C6orf118: variants seen among roughly 807,000 people sequenced by gnomAD.
The protein encoded by C6orf118 is uncharacterized protein C6orf118.
In C6orf118, 50 loss-of-function variants were observed where a neutral mutation model predicts 50.2. The observed-to-expected ratio is 1.00, with a 90% CI of 0.79 to 1.26. The LOEUF is 1.26. Ranked by LOEUF, C6orf118 falls within the 50% of genes most tolerant of loss-of-function variation. The pLI, the probability that C6orf118 is intolerant of heterozygous loss-of-function variation, is 0.00. For synonymous variants in C6orf118, 239 were observed against 230.9 expected, an observed-to-expected ratio of 1.03 and a Z score of -0.32; for missense variants, 641 against 578.7, an observed-to-expected ratio of 1.11 and a Z score of -1.10.
chr6:165,296,250 G>GTTTTTGTTTTTTTT (rs1780296870), intron 5 of C6orf118, among the ~76,000 whole-genome samples: 1 of 103,364 alleles, frequency 9.7e-6, no homozygotes, highest in African/African-American at 3.2e-5. Flanking sequence ...TTCGTTTTTT[G>GTTTTTGTTTTTTTT]TTTTTTTTTT....
rs548636973 is a variant in C6orf118, at chr6:165,285,202, T to TA, written c.1303-3510dup. 9.9e-5 allele frequency among the ~76,000 whole-genome samples: 15 copies of TA among 152,002 alleles called. No homozygotes were observed. The South Asian group carries it at 2.7e-3, about 27-fold the overall frequency. On this transcript the variant is annotated intron_variant, in intron 7 of 8. Transcript: ENST00000230301. ...AAAACACACTTTAAACCAACAAAGA[T>TA]AAAAAAATACAAAGAATGGCATTAC...
intron 6 of C6orf118, among the ~76,000 whole-genome samples, chr6:165,292,003 G>GA (rs112248430): frequency 4.8e-4 from 73 of 152,274 alleles, no homozygotes; most frequent in African/African-American, 1.7e-3. Flanking sequence ...GAAATTTGGG[G>GA]AAATTAAGTA....
chr6:165,293,303 G>A (rs768031666), intron 6 of C6orf118, 110 bp downstream of exon 6: 9 of 968,252 alleles, frequency 9.3e-6, no homozygotes, highest in Admixed American at 6.8e-5. Flanking sequence ...AAACTCAGAG[G>A]GAGCATCAGC....
chr6:165,281,393 T>G, intron 8 of C6orf118: 2 of 642,720 alleles, frequency 3.1e-6, no homozygotes, highest in South Asian at 6.5e-5. Flanking sequence ...CCTTCAAAGG[T>G]CTATCTAGTC....
chr6:165,294,278 A>AAAACAAAAAAAACC (rs1780217250), intron 5 of C6orf118, among the ~76,000 whole-genome samples: 7 of 150,270 alleles, frequency 4.7e-5, no homozygotes, highest in African/African-American at 1.5e-4. Flanking sequence ...CAAAAAAAAA[A>AAAACAAAAAAAACC]AAAGTAAATA....
chr6:165,289,360 A>T (rs1415126137), intron 7 of C6orf118, among the ~76,000 whole-genome samples: 1 of 152,318 alleles, frequency 6.6e-6, no homozygotes, highest in East Asian at 1.9e-4. Context: ...CAATAAAAAA[A>T]ATCATGTATT....
At chr6:165,296,243 G>GTTTTTTTT (rs1285694115) in intron 5 of C6orf118, among the ~76,000 whole-genome samples, 3 of 55,346 alleles carry the variant, frequency 5.4e-5, no homozygotes, top group African/African-American at 7.9e-5. Flanking sequence ...TGTTGTTTTC[G>GTTTTTTTT]TTTTTTGTTT....
At chr6:165,300,693 T>TA (rs1251468401) in intron 2 of C6orf118, among the ~76,000 whole-genome samples, 5 of 151,932 alleles carry the variant, frequency 3.3e-5, no homozygotes, top group Non-Finnish European at 7.4e-5. Flanking sequence ...GGGATTTTTT[T>TA]AAAAAAATCT....
chr6:165,308,731 C>G (rs957051458), intron 1 of C6orf118, among the ~76,000 whole-genome samples: 2 of 152,196 alleles, frequency 1.3e-5, no homozygotes, highest in Admixed American at 1.3e-4. Flanking sequence ...GAGGTAGGCG[C>G]CGTCCCATCC....
chr6:165,298,246 A>T, intron 4 of C6orf118, 145 bp from the exon 5 acceptor site: 204 of 789,372 alleles, frequency 2.6e-4, no homozygotes, highest in Middle Eastern at 1.4e-3. Flanking sequence ...GGAGGATTTA[A>T]GGGAGGGAGG....
chr6:165,300,341 T>C (rs769282082), intron 3 of C6orf118, 23 bp downstream of exon 3: 55 of 1,613,254 alleles, frequency 3.4e-5, no homozygotes, highest in Non-Finnish European at 2.7e-5. Context: ...TCAACTGTTA[T>C]GCTGAAGATG....
chr6:165,296,250 G>GTTTTTTTTTTTTTTTTTTTTTTTTTTTT lies in C6orf118; in HGVS notation c.1061+1726_1061+1727insAAAAAAAAAAAAAAAAAAAAAAAAAAAA, dbSNP rs56394079. ...GTTGTTGTTGTTGTTTTCGTTTTTT[G>GTTTTTTTTTTTTTTTTTTTTTTTTTTTT]TTTTTTTTTTTTTTTTTTTTTTTTT... On this transcript the variant is annotated intron_variant, in intron 5 of 8. Transcript: ENST00000230301. 4.9e-4 allele frequency among the ~76,000 whole-genome samples: 51 copies of GTTTTTTTTTTTTTTTTTTTTTTTTTTTT among 103,382 alleles called. 2 individuals carry two copies. Among genetic ancestry groups the GTTTTTTTTTTTTTTTTTTTTTTTTTTTT allele is most frequent in the Non-Finnish European group, 7.0e-4 (34 of 48,766 alleles). 67.8% of individuals were successfully genotyped at this position (103,382 alleles called of 152,430 possible). A position where few individuals can be genotyped will look rare whatever the true frequency, so the allele number is the denominator to read the frequency against.
In C6orf118 at chr6:165,302,155, A is replaced by G. The variant is rs1416624122; in HGVS notation, c.167T>C (p.Val56Ala). The change falls in exon 2 of 9, where the codon GTC (valine) becomes GCC (alanine). Residue 56 changes from valine to alanine, a missense_variant. By Grantham distance (64) the Val-to-Ala change is moderately conservative. Coordinates refer to ENST00000230301, the MANE Select transcript of C6orf118 (RefSeq NM_144980.4). Reference protein sequence around the residue: ...NRLQKDHREDVYLYISGHLNP... With the variant: ...NRLQKDHREDAYLYISGHLNP... ...CAGGTGTCCAGAGATGTAGAGGTAG[A>G]CGTCCTCCCGGTGGTCTTTCTGAAG... The G allele has an allele frequency of 6.2e-7, 1 of 1,612,644 alleles. No homozygotes were observed. Among genetic ancestry groups the G allele is most frequent in the Admixed American group, 1.7e-5 (1 of 59,920 alleles).
chr6:165,287,289 T>G (rs1264026490), intron 7 of C6orf118, among the ~76,000 whole-genome samples: 4 of 151,806 alleles, frequency 2.6e-5, no homozygotes, highest in Non-Finnish European at 5.9e-5. Context: ...AGGACACAAA[T>G]AAATGGAAAA....
At chr6:165,308,736 C>A (rs1780835632) in intron 1 of C6orf118, among the ~76,000 whole-genome samples, 1 of 152,180 alleles carries the variant, frequency 6.6e-6, no homozygotes, top group Admixed American at 6.5e-5. Context: ...AGGCGCCGTC[C>A]CATCCTCCTT....
intron 5 of C6orf118, among the ~76,000 whole-genome samples, chr6:165,296,795 T>A (rs1437220033): frequency 6.6e-6 from 1 of 152,184 alleles, no homozygotes; most frequent in African/African-American, 2.4e-5. Flanking sequence ...TGCTATTTAA[T>A]GTGCTTTGTT....
At chr6:165,302,353 AG>A (rs1183963170) in intron 1 of C6orf118, 57 bp from the exon 2 acceptor site, 8 of 1,567,756 alleles carry the variant, frequency 5.1e-6, no homozygotes, top group Non-Finnish European at 6.9e-6. Flanking sequence ...ACAGTAAGTC[AG>A]CTGGTGCACT....
At chr6:165,286,225 C>G (rs1376203597) in intron 7 of C6orf118, among the ~76,000 whole-genome samples, 2 of 152,026 alleles carry the variant, frequency 1.3e-5, no homozygotes, top group Non-Finnish European at 2.9e-5. Flanking sequence ...AAGACTGAAC[C>G]AGGAAGAAGT....
chr6:165,281,521 C>A, intron 8 of C6orf118, 119 bp downstream of exon 8: 1 of 1,423,442 alleles, frequency 7.0e-7, no homozygotes, highest in Non-Finnish European at 9.2e-7. Flanking sequence ...ATCTGCTTCA[C>A]ATGGTTTTCA....
Sources: gnomAD v4.1 joint callset for allele counts (sites outside exome capture counted in the v4.1 genomes callset) on GRCh38, gnomAD v4.1.1 for gene constraint, MANE v1.5 for transcripts, NCBI Gene and HGNC (gene_info 2026-07-23, HGNC 2026-07-21) for gene names.